Variants in GRIK3 observed in about 807,000 individuals in gnomAD.
GRIK3 encodes glutamate receptor ionotropic, kainate 3.
In GRIK3, 29 loss-of-function variants were observed where a neutral mutation model predicts 102.5. The observed-to-expected ratio is 0.28, with a 90% confidence interval of 0.21 to 0.39. The LOEUF is 0.39. Among genes scored for constraint, GRIK3 ranks in the 10% least tolerant of loss-of-function variants. The pLI is 1.00. For synonymous variants in GRIK3, 511 were observed against 504.9 expected (o/e 1.01, Z -0.16); for missense variants, 908 against 1,252.4 (o/e 0.73, Z 4.15).
At chr1:36,939,852 G>T (rs1641700438) in intron 1 of GRIK3, among the ~76,000 whole-genome samples, 1 of 148,536 alleles carries the variant, frequency 6.7e-6, no homozygotes, top group Non-Finnish European at 1.5e-5. Flanking sequence ...GCCAGAGGAG[G>T]CCTGGTCCAC....
In GRIK3 at chr1:36,919,901, C is replaced by G. The variant is rs974614594; in HGVS notation, c.116-28805G>C. ...TGGTGTGGGGGAAGAGGAAGATGCT[C>G]CTCCTGCCTGGAGAGCCAGCTCCAT... On this transcript the variant is annotated intron_variant, in intron 1 of 15. Coordinates refer to ENST00000373091, the MANE Select transcript of GRIK3 (RefSeq NM_000831.4). Among the ~76,000 whole-genome samples the G allele has an allele frequency of 5.3e-5, 8 of 152,328 alleles. No homozygotes were observed. In the East Asian group the frequency reaches 1.5e-3, roughly 29 times the overall value.
At chr1:36,955,705 C>T (rs948287629) in intron 1 of GRIK3, among the ~76,000 whole-genome samples, 5 of 152,270 alleles carry the variant, frequency 3.3e-5, no homozygotes, top group African/African-American at 1.2e-4. Context: ...CAGAAACACC[C>T]TGGCACATGC....
chr1:36,839,728 C>T (rs58298638), intron 10 of GRIK3, among the ~76,000 whole-genome samples: 27,855 of 152,032 alleles, frequency 0.18, 2,942 homozygotes, highest in African/African-American at 0.29. Context: ...AGCTAGCAAG[C>T]GGAAGAGTTT....
At chr1:37,023,821 G>A (rs1642739787) in intron 1 of GRIK3, among the ~76,000 whole-genome samples, 1 of 152,232 alleles carries the variant, frequency 6.6e-6, no homozygotes, top group Non-Finnish European at 1.5e-5. Flanking sequence ...GAGGGAGGCA[G>A]TGGTTAGAAG....
chr1:36,993,825 C>T (rs985122159), intron 1 of GRIK3, among the ~76,000 whole-genome samples: 2 of 152,228 alleles, frequency 1.3e-5, no homozygotes, highest in Non-Finnish European at 2.9e-5. Flanking sequence ...GGGCTACAGG[C>T]CTGGCCCTCT....
At chr1:36,835,245 A>T (rs1430766777) in intron 10 of GRIK3, among the ~76,000 whole-genome samples, 2 of 152,096 alleles carry the variant, frequency 1.3e-5, no homozygotes, top group East Asian at 3.9e-4. Context: ...CAGCATCTCA[A>T]TGCCTGCCCA....
At chr1:36,910,687 A>G (rs1641334797) in intron 1 of GRIK3, among the ~76,000 whole-genome samples, 1 of 152,188 alleles carries the variant, frequency 6.6e-6, no homozygotes, top group African/African-American at 2.4e-5. Context: ...ATGTCCTGGG[A>G]GAGGAAAGGG....
rs1326391125 is a variant in GRIK3, at chr1:36,833,453, G to A, written c.1531-7627C>T. Among the ~76,000 whole-genome samples the A allele has an allele frequency of 2.0e-5, 3 of 152,172 alleles. No homozygotes were observed. The East Asian group carries it at 5.8e-4, about 29-fold the overall frequency. On this transcript the variant is annotated intron_variant, in intron 10 of 15. Transcript: ENST00000373091. ...CACAGAGCTCTCCAGTCACTGCCCT[G>A]GGCAACCTGGCTGGTCGGGGGAGGG...
intron 6 of GRIK3, 72 bp from the exon 7 acceptor site, chr1:36,859,323 C>A (rs1570764757): frequency 2.7e-6 from 4 of 1,472,894 alleles, no homozygotes; most frequent in Non-Finnish European, 3.7e-6. Context: ...CCCTGTCCCC[C>A]TTCTCCTCCC....
At position 36,905,249 on chromosome 1, in the gene GRIK3, T is replaced by C. The variant is rs1032709831; in HGVS notation, c.116-14153A>G. On this transcript the variant is annotated intron_variant, in intron 1 of 15. Coordinates refer to ENST00000373091, the MANE Select transcript of GRIK3 (RefSeq NM_000831.4). ...GGACATAAAAGAAGTCTTGAATAAA[T>C]GGAGAGACATAACTTACTCCTTGGA... Among the ~76,000 whole-genome samples, 11 of 152,172 alleles carry C rather than the reference T, an allele frequency of 7.2e-5. No individual in the cohort carries two copies. In the South Asian group the frequency reaches 1.2e-3, roughly 17 times the overall value.
At chr1:36,920,965 G>C (rs1480584932) in intron 1 of GRIK3, among the ~76,000 whole-genome samples, 1 of 152,232 alleles carries the variant, frequency 6.6e-6, no homozygotes, top group Non-Finnish European at 1.5e-5. Flanking sequence ...TAGGATTCTG[G>C]AGGAGGCCGA....
chr1:36,832,706 T>C (rs183047717), intron 10 of GRIK3, among the ~76,000 whole-genome samples: 88 of 152,342 alleles, frequency 5.8e-4, no homozygotes, highest in African/African-American at 2.0e-3. Context: ...TCCATCCCTA[T>C]GCCTCTGTCC....
chr1:36,814,956 A>G (rs550435793), intron 13 of GRIK3, among the ~76,000 whole-genome samples: 21 of 152,306 alleles, frequency 1.4e-4, no homozygotes, highest in African/African-American at 4.8e-4. Context: ...TCCAAGCACA[A>G]ATACACACAT....
rs558257259 is a variant in GRIK3 at position 36,804,494 on chromosome 1, C to CTA, written c.2565+491_2565+492dup. The stretch of plus-strand genomic sequence containing the variant: ...GAAGGCCTGAGCCTAGTTCTACTGT[C>CTA]TATATGCTTGGGCCAACCCTGTTAA... On this transcript the variant is annotated intron_variant, in intron 15 of 15. Transcript: ENST00000373091. 1.0e-3 allele frequency: 170 copies of CTA among 165,152 alleles called. 1 individual carries two copies. The highest frequency in any genetic ancestry group is 3.9e-3 in the Admixed American group (63 of 16,134). 10.2% of individuals were successfully genotyped at this position (165,152 alleles called of 1,614,324 possible). A position where few individuals can be genotyped will look rare whatever the true frequency, so the allele number is the denominator to read the frequency against.
chr1:36,847,171 G>T (rs1047072846), intron 9 of GRIK3, among the ~76,000 whole-genome samples: 2 of 152,250 alleles, frequency 1.3e-5, no homozygotes, highest in African/African-American at 2.4e-5. Flanking sequence ...ATCTGCTTCA[G>T]GAGCTGAGAC....
chr1:36,903,878 C>T (rs904344751), intron 1 of GRIK3, among the ~76,000 whole-genome samples: 5 of 152,052 alleles, frequency 3.3e-5, no homozygotes, highest in African/African-American at 1.2e-4. Context: ...CTGTATGATA[C>T]TATTATAGTG....
intron 1 of GRIK3, among the ~76,000 whole-genome samples, chr1:37,030,192 G>C (rs1039945047): frequency 5.3e-5 from 8 of 152,188 alleles, no homozygotes; most frequent in Admixed American, 1.3e-4. Flanking sequence ...TTACTTCCAG[G>C]GGGGAAAACC....
At chr1:36,996,063 G>GTGT (rs2124017524) in intron 1 of GRIK3, among the ~76,000 whole-genome samples, 1 of 152,300 alleles carries the variant, frequency 6.6e-6, no homozygotes, top group East Asian at 1.9e-4. Flanking sequence ...ACCTGCCTCT[G>GTGT]TGTTAGCCTG....
At chr1:36,890,102 C>A (rs535749298) in intron 2 of GRIK3, among the ~76,000 whole-genome samples, 3 of 152,038 alleles carry the variant, frequency 2.0e-5, no homozygotes, top group African/African-American at 7.2e-5. Flanking sequence ...TTCGGATGAT[C>A]CAGGCTAAAC....
Sources: gnomAD v4.1 joint callset for allele counts (sites outside exome capture counted in the v4.1 genomes callset) on GRCh38, gnomAD v4.1.1 for gene constraint, MANE v1.5 for transcripts, NCBI Gene and HGNC (gene_info 2026-07-23, HGNC 2026-07-21) for gene names.